RALYL: variants seen among roughly 807,000 people sequenced by gnomAD.
The protein encoded by RALYL is RNA-binding Raly-like protein.
Under a neutral mutation model 35.1 loss-of-function variants are expected in RALYL, and 29 were observed. The observed-to-expected ratio is 0.83, with a 90% CI of 0.61 to 1.13. RALYL has a LOEUF of 1.13. Ranked by LOEUF, RALYL falls within the 50% of genes most tolerant of loss-of-function variation. The pLI is 0.00. For missense variants in RALYL, 359 were observed against 360.4 expected (o/e 1.00, Z 0.03); for synonymous variants, 120 against 127.6 (o/e 0.94, Z 0.40).
chr8:84,213,514 A>G (rs2131200374), intron 1 of RALYL, among the ~76,000 whole-genome samples: 1 of 152,340 alleles, frequency 6.6e-6, no homozygotes, highest in Middle Eastern at 3.4e-3. Flanking sequence ...CATGCATCAC[A>G]TTTTATTTTT....
chr8:84,883,107 A>G (rs1842425796), intron 7 of RALYL, among the ~76,000 whole-genome samples: 1 of 151,974 alleles, frequency 6.6e-6, no homozygotes, highest in Non-Finnish European at 1.5e-5. Context: ...GTATTTGTTA[A>G]ACTCCTGTGA....
intron 2 of RALYL, among the ~76,000 whole-genome samples, chr8:84,532,699 C>T (rs4740022): frequency 0.36 from 54,581 of 151,620 alleles, 9,982 homozygotes; most frequent in South Asian, 0.51. Context: ...CATATTTGTA[C>T]ATCATTTTCT....
At chr8:84,470,515 G>T (rs1490801789) in intron 1 of RALYL, among the ~76,000 whole-genome samples, 1 of 151,612 alleles carries the variant, frequency 6.6e-6, no homozygotes, top group Non-Finnish European at 1.5e-5. Context: ...AGCTGAACAA[G>T]AAAGGTATAA....
chr8:84,321,771 G>A (rs988124932), intron 1 of RALYL, among the ~76,000 whole-genome samples: 5 of 152,064 alleles, frequency 3.3e-5, no homozygotes. Context: ...CATCAACAAA[G>A]CTCTAGTATA....
chr8:84,401,733 G>T (rs368315482), intron 1 of RALYL, among the ~76,000 whole-genome samples: 2 of 146,416 alleles, frequency 1.4e-5, no homozygotes, highest in Non-Finnish European at 3.0e-5. Context: ...GTACATCAGA[G>T]AATATTCTTA....
At position 84,211,554 on chromosome 8, in the gene RALYL, A is replaced by G. The variant is rs572646533; in HGVS notation, c.-24+27130A>G. On this transcript the variant is annotated intron_variant, in intron 1 of 8. Coordinates refer to ENST00000521268, the MANE Select transcript of RALYL (RefSeq NM_173848.7). ...TTAGATTACAATGTCAATGATTAGC[A>G]TGTAGTTTCCCCAATCTAAGCAGTA... is the stretch of plus-strand genomic sequence containing the variant. Among the ~76,000 whole-genome samples, 6 of 152,272 alleles carry G rather than the reference A, an allele frequency of 3.9e-5. No homozygotes were observed. The East Asian group carries it at 1.2e-3, about 29-fold the overall frequency.
intron 2 of RALYL, among the ~76,000 whole-genome samples, chr8:84,550,611 C>A (rs144846088): frequency 0.016 from 2,376 of 150,714 alleles, 35 homozygotes; most frequent in Middle Eastern, 0.063. Flanking sequence ...TATTATATAC[C>A]TTTTTATTTT....
At chr8:84,775,168 T>G (rs1816541693) in intron 3 of RALYL, among the ~76,000 whole-genome samples, 2 of 152,036 alleles carry the variant, frequency 1.3e-5, no homozygotes, top group African/African-American at 4.8e-5. Context: ...GTTGGCCAGG[T>G]TGATCTCGAA....
intron 1 of RALYL, among the ~76,000 whole-genome samples, chr8:84,445,233 A>T (rs1318521407): frequency 6.6e-6 from 1 of 152,034 alleles, no homozygotes; most frequent in African/African-American, 2.4e-5. Flanking sequence ...GAAGCTTTTT[A>T]ATTTTAATTT....
At chr8:84,718,622 G>T (rs1843327192) in intron 2 of RALYL, among the ~76,000 whole-genome samples, 1 of 151,816 alleles carries the variant, frequency 6.6e-6, no homozygotes, top group Non-Finnish European at 1.5e-5. Flanking sequence ...AAAATTAGCT[G>T]GGCGTGGTGG....
At chr8:84,823,261 T>C (rs188918641) in intron 4 of RALYL, among the ~76,000 whole-genome samples, 9 of 152,292 alleles carry the variant, frequency 5.9e-5, no homozygotes, top group African/African-American at 2.2e-4. Flanking sequence ...TCTTTGCCTT[T>C]GGGGAGGTAG....
intron 2 of RALYL, among the ~76,000 whole-genome samples, chr8:84,532,001 T>C (rs540532088): frequency 2.1e-4 from 32 of 152,220 alleles, no homozygotes; most frequent in African/African-American, 7.7e-4. Flanking sequence ...TCTTAGATCC[T>C]CTCTTAGTTT....
intron 1 of RALYL, among the ~76,000 whole-genome samples, chr8:84,229,948 G>A (rs1362114115): frequency 6.6e-6 from 1 of 152,006 alleles, no homozygotes; most frequent in South Asian, 2.1e-4. Flanking sequence ...GAACTTGAGT[G>A]TAATATAAGT....
chr8:84,682,818 G>GTT (rs1554776859), intron 2 of RALYL, among the ~76,000 whole-genome samples: 4 of 151,426 alleles, frequency 2.6e-5, no homozygotes, highest in African/African-American at 9.8e-5. Flanking sequence ...TTTTTTGATG[G>GTT]GTTTTTTTTT....
chr8:84,729,644 A>G (rs1357564599), intron 2 of RALYL, among the ~76,000 whole-genome samples: 3 of 152,190 alleles, frequency 2.0e-5, no homozygotes, highest in African/African-American at 7.2e-5. Context: ...TAGCAAGACT[A>G]GTAAAGAAAA....
intron 2 of RALYL, among the ~76,000 whole-genome samples, chr8:84,741,322 G>T (rs1807243316): frequency 6.6e-6 from 1 of 152,026 alleles, no homozygotes; most frequent in Admixed American, 6.6e-5. Flanking sequence ...TTCCTCAGGA[G>T]TGATATCACA....
intron 1 of RALYL, among the ~76,000 whole-genome samples, chr8:84,291,608 T>G (rs377712533): frequency 1.3e-5 from 2 of 152,242 alleles, no homozygotes; most frequent in African/African-American, 4.8e-5. Flanking sequence ...TTATTCCTGA[T>G]GAGAATAATT....
At chr8:84,813,438 C>T (rs569384485) in intron 4 of RALYL, among the ~76,000 whole-genome samples, 2 of 152,296 alleles carry the variant, frequency 1.3e-5, no homozygotes, top group East Asian at 3.9e-4. Context: ...GCCTCCCATT[C>T]CTCTGTGATG....
At chr8:84,793,494 T>A (rs1821264028) in intron 3 of RALYL, among the ~76,000 whole-genome samples, 1 of 152,162 alleles carries the variant, frequency 6.6e-6, no homozygotes, top group South Asian at 2.1e-4. Context: ...TCCATCGGGT[T>A]TGGTGTTATG....
Sources: gnomAD v4.1 joint callset for allele counts (sites outside exome capture counted in the v4.1 genomes callset) on GRCh38, gnomAD v4.1.1 for gene constraint, MANE v1.5 for transcripts, NCBI Gene and HGNC (gene_info 2026-07-23, HGNC 2026-07-21) for gene names.